The following CNTNAP2 variants were observed in gnomAD, a reference collection of about 807,000 sequenced individuals.
CNTNAP2 encodes contactin-associated protein-like 2.
A neutral mutation model predicts 155.2 loss-of-function variants in CNTNAP2; 98 were observed. That is an observed-to-expected ratio of 0.63 (90% CI 0.54 to 0.75). The LOEUF is 0.75. Ranked by LOEUF, CNTNAP2 falls within the 30% of genes least tolerant of loss-of-function variation. The pLI is 0.00. For synonymous variants in CNTNAP2, 651 were observed against 631.2 expected (o/e 1.03, Z -0.47); for missense variants, 1,727 against 1,688.1 (o/e 1.02, Z -0.40).
intron 9 of CNTNAP2, among the ~76,000 whole-genome samples, chr7:147,319,420 C>T: frequency 6.6e-6 from 1 of 152,074 alleles, no homozygotes; most frequent in Admixed American, 6.5e-5. Flanking sequence ...CTCTGTTGCC[C>T]AGGCTGGAGT....
intron 13 of CNTNAP2, among the ~76,000 whole-genome samples, chr7:147,681,413 C>T (rs1226130671): frequency 6.6e-6 from 1 of 151,840 alleles, no homozygotes; most frequent in Non-Finnish European, 1.5e-5. Flanking sequence ...ACCTGAGGAA[C>T]CTAAAAGCAC....
intron 14 of CNTNAP2, among the ~76,000 whole-genome samples, chr7:147,928,275 G>C (rs1472643226): frequency 6.6e-6 from 1 of 152,048 alleles, no homozygotes; most frequent in Non-Finnish European, 1.5e-5. Flanking sequence ...TAATATACTT[G>C]GGAAAATTAT....
chr7:147,780,931 T>G lies in CNTNAP2; in HGVS notation c.2099-122634T>G, dbSNP rs370300900. Reference sequence around the variant, plus strand: ...TGTTTAAAACAGGTATTCTTTTTTCTACTTCCAAGTGAGGAGACAGGTTCC... The same window carrying G: ...TGTTTAAAACAGGTATTCTTTTTTCGACTTCCAAGTGAGGAGACAGGTTCC... On this transcript the variant is annotated intron_variant, in intron 13 of 23. Coordinates refer to ENST00000361727, the MANE Select transcript of CNTNAP2 (RefSeq NM_014141.6). Among the ~76,000 whole-genome samples, 20 of 152,320 alleles carry G rather than the reference T, an allele frequency of 1.3e-4. No individual in the cohort carries two copies. The East Asian group carries it at 3.7e-3, about 28-fold the overall frequency.
At chr7:147,840,251 C>A (rs1798707018) in intron 13 of CNTNAP2, among the ~76,000 whole-genome samples, 1 of 152,118 alleles carries the variant, frequency 6.6e-6, no homozygotes, top group South Asian at 2.1e-4. Flanking sequence ...AAAAGCCAGA[C>A]TTCCCCACTG....
At chr7:147,642,499 G>A (rs1008938642) in intron 13 of CNTNAP2, among the ~76,000 whole-genome samples, 2 of 151,150 alleles carry the variant, frequency 1.3e-5, no homozygotes, top group Non-Finnish European at 2.9e-5. Flanking sequence ...TCTTCCCCTC[G>A]GCCACCGTGA....
chr7:148,111,702 G>A (rs1804357309), intron 15 of CNTNAP2, among the ~76,000 whole-genome samples: 1 of 152,174 alleles, frequency 6.6e-6, no homozygotes, highest in Non-Finnish European at 1.5e-5. Flanking sequence ...GGAAAAAAAT[G>A]TAGGTTGCAT....
intron 18 of CNTNAP2, among the ~76,000 whole-genome samples, chr7:148,185,491 C>G (rs1795103139): frequency 6.6e-6 from 1 of 152,190 alleles, no homozygotes. Flanking sequence ...AAATTTTCCT[C>G]TTATCCCAAG....
intron 3 of CNTNAP2, among the ~76,000 whole-genome samples, chr7:146,904,618 C>T (rs1228758532): frequency 2.0e-5 from 3 of 152,080 alleles, no homozygotes; most frequent in Admixed American, 6.5e-5. Flanking sequence ...ACTACAGGCA[C>T]CCGCCACCAC....
chr7:146,570,755 A>C (rs1464167310), intron 1 of CNTNAP2, among the ~76,000 whole-genome samples: 1 of 152,098 alleles, frequency 6.6e-6, no homozygotes, highest in Admixed American at 6.5e-5. Flanking sequence ...AGTAATAATA[A>C]TGATATTAGA....
At chr7:147,860,589 C>CAAAAAAAA (rs11342244) in intron 13 of CNTNAP2, among the ~76,000 whole-genome samples, 23 of 124,430 alleles carry the variant, frequency 1.8e-4, no homozygotes, top group Non-Finnish European at 2.7e-4. Flanking sequence ...GACTCTGTCT[C>CAAAAAAAA]AAAAAAAAAA....
At chr7:147,700,398 A>C (rs1274972527) in intron 13 of CNTNAP2, among the ~76,000 whole-genome samples, 1 of 152,188 alleles carries the variant, frequency 6.6e-6, no homozygotes, top group Non-Finnish European at 1.5e-5. Flanking sequence ...AGGTGCGTGT[A>C]ACTGCACCAG....
At chr7:148,406,335 A>G (rs1799704790) in intron 22 of CNTNAP2, among the ~76,000 whole-genome samples, 1 of 152,242 alleles carries the variant, frequency 6.6e-6, no homozygotes, top group Admixed American at 6.5e-5. Context: ...GAGACAGGAA[A>G]TATCACTCAC....
At chr7:147,083,798 T>TACACATGTATGTACATATTATATACATAC (rs1800199194) in intron 4 of CNTNAP2, among the ~76,000 whole-genome samples, 3 of 138,640 alleles carry the variant, frequency 2.2e-5, no homozygotes, top group African/African-American at 8.3e-5. Flanking sequence ...TATATACATA[T>TACACATGTATGTACATATTATATACATAC]ACACATGTAT....
chr7:146,721,349 A>G (rs1801304159), intron 1 of CNTNAP2, among the ~76,000 whole-genome samples: 1 of 131,414 alleles, frequency 7.6e-6, no homozygotes, highest in African/African-American at 2.9e-5. Flanking sequence ...CATTCTATAT[A>G]TACATTCTAT....
At chr7:147,194,858 C>T (rs1176433587) in intron 8 of CNTNAP2, among the ~76,000 whole-genome samples, 4 of 152,044 alleles carry the variant, frequency 2.6e-5, no homozygotes, top group African/African-American at 9.7e-5. Context: ...AATTTTCTCC[C>T]GTTCTGTAGG....
chr7:147,115,426 C>T (rs1209511381), intron 5 of CNTNAP2, among the ~76,000 whole-genome samples: 2 of 152,150 alleles, frequency 1.3e-5, no homozygotes, highest in African/African-American at 4.8e-5. Context: ...CAACTTGATT[C>T]CATTCTCCCG....
At chr7:148,067,433 A>G (rs1348458695) in intron 15 of CNTNAP2, among the ~76,000 whole-genome samples, 1 of 152,226 alleles carries the variant, frequency 6.6e-6, no homozygotes, top group Non-Finnish European at 1.5e-5. Context: ...GTATCTGCAA[A>G]GAGTCCTGTG....
At chr7:148,114,548 C>T (rs951413812) in intron 15 of CNTNAP2, among the ~76,000 whole-genome samples, 12 of 152,290 alleles carry the variant, frequency 7.9e-5, no homozygotes, top group East Asian at 5.8e-4. Flanking sequence ...TAACTCTTTG[C>T]ATCCAGAAGC....
intron 13 of CNTNAP2, among the ~76,000 whole-genome samples, chr7:147,851,928 T>A (rs1344359162): frequency 2.6e-5 from 4 of 151,804 alleles, no homozygotes; most frequent in African/African-American, 4.8e-5. Flanking sequence ...AGAATAATAA[T>A]AAATTATTTT....
Sources: gnomAD v4.1 joint callset for allele counts (sites outside exome capture counted in the v4.1 genomes callset) on GRCh38, gnomAD v4.1.1 for gene constraint, MANE v1.5 for transcripts, NCBI Gene and HGNC (gene_info 2026-07-23, HGNC 2026-07-21) for gene names.